Variants in ZDHHC14 observed in about 807,000 individuals in gnomAD.
The protein encoded by ZDHHC14 is zDHHC palmitoyltransferase 14.
ZDHHC14 carries 16 observed loss-of-function variants against 47.7 expected under a neutral mutation model. That is an observed-to-expected ratio of 0.34 (90% CI 0.23 to 0.51). ZDHHC14 has a LOEUF of 0.51. ZDHHC14 is among the 20% of genes least tolerant of loss of function. The pLI is 0.97. For synonymous variants in ZDHHC14, 293 were observed against 278.9 expected, an observed-to-expected ratio of 1.05 and a Z score of -0.50; for missense variants, 515 against 662.5, an observed-to-expected ratio of 0.78 and a Z score of 2.44.
At chr6:157,552,828 T>A (rs1782292717) in intron 2 of ZDHHC14, among the ~76,000 whole-genome samples, 1 of 152,048 alleles carries the variant, frequency 6.6e-6, no homozygotes, top group African/African-American at 2.4e-5. Flanking sequence ...CATCTGCAAG[T>A]TTTTGGTGGC....
At chr6:157,480,568 A>G (rs1311977215) in intron 1 of ZDHHC14, among the ~76,000 whole-genome samples, 2 of 152,208 alleles carry the variant, frequency 1.3e-5, no homozygotes, top group Non-Finnish European at 2.9e-5. Context: ...TGCCCGGCCT[A>G]GGCCAGGCTT....
intron 1 of ZDHHC14, among the ~76,000 whole-genome samples, chr6:157,399,557 A>G (rs1292329256): frequency 6.6e-6 from 1 of 152,242 alleles, no homozygotes; most frequent in Non-Finnish European, 1.5e-5. Flanking sequence ...ACTTAGATGA[A>G]GAATACAGAG....
At chr6:157,590,811 T>C (rs1783879630) in intron 2 of ZDHHC14, among the ~76,000 whole-genome samples, 1 of 152,208 alleles carries the variant, frequency 6.6e-6, no homozygotes, top group Admixed American at 6.5e-5. Context: ...CCAGAAACGC[T>C]GAAGACATTC....
chr6:157,673,822 T>C lies in ZDHHC14; in HGVS notation c.*700T>C, dbSNP rs529967615. The C allele has an allele frequency of 6.6e-6, 1 of 152,474 alleles. No individual in the cohort carries two copies. The highest frequency in any genetic ancestry group is 1.5e-5 in the Non-Finnish European group (1 of 68,004). The allele number at this position is 152,474 out of a possible 1,614,324, so 9.4% of individuals were successfully genotyped here. A position where few individuals can be genotyped will look rare whatever the true frequency, so the allele number is the denominator to read the frequency against. ...GTGTCGGGTGTCACTTCACCTTCTG[T>C]TTGGCCGCTCGATGAGGTCTCGTGT... On this transcript the variant is annotated 3_prime_UTR_variant, in exon 9 of 9. Coordinates refer to ENST00000359775, the MANE Select transcript of ZDHHC14 (RefSeq NM_024630.3). This position sits in a 1 kb window ranked among gnomAD's most constrained non-coding sequence, Gnocchi z 5.4.
intron 1 of ZDHHC14, among the ~76,000 whole-genome samples, chr6:157,511,546 A>C (rs1403189623): frequency 6.6e-5 from 5 of 75,414 alleles, no homozygotes; most frequent in Admixed American, 1.6e-4. Context: ...AAGCCCGGGT[A>C]CTTTTTTTTT....
rs187362021 is a variant in ZDHHC14, at chr6:157,502,982, C to T, written c.246-39603C>T. ...TTGGAATTACAGGCATGAGCCACCGCACCCGGCTGTGTTTGTTTTTAAACT... is the reference window on the plus strand; with the variant it reads ...TTGGAATTACAGGCATGAGCCACCGTACCCGGCTGTGTTTGTTTTTAAACT... On this transcript the variant is annotated intron_variant, in intron 1 of 8. Transcript: ENST00000359775. This position sits in a 1 kb window ranked among gnomAD's most constrained non-coding sequence, Gnocchi z 4.0. Among the ~76,000 whole-genome samples, 1 of 152,368 alleles carries T rather than the reference C, an allele frequency of 6.6e-6. No individual in the cohort carries two copies. The highest frequency in any genetic ancestry group is 6.5e-5 in the Admixed American group (1 of 15,306).
At chr6:157,449,424 C>T (rs1345066254) in intron 1 of ZDHHC14, among the ~76,000 whole-genome samples, 1 of 152,196 alleles carries the variant, frequency 6.6e-6, no homozygotes, top group African/African-American at 2.4e-5. Flanking sequence ...AATTCATCCA[C>T]TATAAGTGAA....
chr6:157,620,345 G>A lies in ZDHHC14; in HGVS notation c.566-8004G>A, dbSNP rs950789055. Among the ~76,000 whole-genome samples the A allele has an allele frequency of 5.3e-5, 8 of 152,252 alleles. No individual in the cohort carries two copies. In the East Asian group the frequency reaches 1.4e-3, roughly 26 times the overall value. ...AGGCCTCACCCTGATGGCCTCAGCT[G>A]CCCCTAATTACCTCTCAATTACCAT... On this transcript the variant is annotated intron_variant, in intron 3 of 8. Transcript: ENST00000359775.
At chr6:157,506,935 AG>A (rs1780340421) in intron 1 of ZDHHC14, among the ~76,000 whole-genome samples, 1 of 147,460 alleles carries the variant, frequency 6.8e-6, no homozygotes, top group Non-Finnish European at 1.5e-5. Flanking sequence ...TTTTAATTAA[AG>A]TAACATATAG....
intron 1 of ZDHHC14, among the ~76,000 whole-genome samples, chr6:157,451,976 G>A (rs1327893753): frequency 2.6e-5 from 4 of 152,208 alleles, no homozygotes; most frequent in Non-Finnish European, 5.9e-5. Context: ...CCCTGGGGCT[G>A]TGGGGCCCAA....
chr6:157,613,022 A>T (rs969282067), intron 3 of ZDHHC14, among the ~76,000 whole-genome samples: 4 of 152,018 alleles, frequency 2.6e-5, no homozygotes, highest in African/African-American at 9.7e-5. Context: ...ATGATCATTT[A>T]AAAAAAATTA....
At position 157,592,975 on chromosome 6, in the gene ZDHHC14, C is replaced by G; in HGVS notation, c.407-13C>G. On this transcript the variant is annotated splice_polypyrimidine_tract_variant and intron_variant, in intron 2 of 8. Transcript: ENST00000359775. Reference sequence around the variant, plus strand: ...TCTGAAGGTGTGCGCTCTTTCTCTTCTTTTCTCCACAGATATCGCAAACGG... The same window carrying G: ...TCTGAAGGTGTGCGCTCTTTCTCTTGTTTTCTCCACAGATATCGCAAACGG... The G allele has an allele frequency of 6.2e-7, 1 of 1,606,210 alleles. No individual in the cohort carries two copies. The highest frequency in any genetic ancestry group is 8.5e-7 in the Non-Finnish European group (1 of 1,176,898).
chr6:157,424,665 G>A (rs565193801), intron 1 of ZDHHC14, among the ~76,000 whole-genome samples: 1 of 152,254 alleles, frequency 6.6e-6, no homozygotes, highest in Non-Finnish European at 1.5e-5. Flanking sequence ...ACCCTGCCCC[G>A]AGCAGTGATT....
chr6:157,610,618 G>A (rs1562506724), intron 3 of ZDHHC14, among the ~76,000 whole-genome samples: 1 of 152,158 alleles, frequency 6.6e-6, no homozygotes, highest in African/African-American at 2.4e-5. Flanking sequence ...TTCCAAGAAG[G>A]AGAGGCAGCG....
chr6:157,611,522 A>T (rs566287760), intron 3 of ZDHHC14, among the ~76,000 whole-genome samples: 47 of 152,278 alleles, frequency 3.1e-4, no homozygotes, highest in African/African-American at 9.9e-4. Flanking sequence ...CCTCCCGGGC[A>T]CATTTTCATC....
In ZDHHC14 at chr6:157,621,229, A is replaced by G. The variant is rs145714134; in HGVS notation, c.566-7120A>G. Among the ~76,000 whole-genome samples, 779 of 152,286 alleles carry G rather than the reference A, an allele frequency of 5.1e-3. 7 individuals carry two copies. Among genetic ancestry groups the G allele is most frequent in the African/African-American group, 0.018 (752 of 41,546 alleles). Reference sequence around the variant, plus strand: ...TTCCTATTGCATAATTTTATGAATTATGTGGTGACCATAGAGGCCAGATAC... The same window carrying G: ...TTCCTATTGCATAATTTTATGAATTGTGTGGTGACCATAGAGGCCAGATAC... On this transcript the variant is annotated intron_variant, in intron 3 of 8. Transcript: ENST00000359775.
At chr6:157,494,450 G>A (rs1276297417) in intron 1 of ZDHHC14, among the ~76,000 whole-genome samples, 2 of 152,206 alleles carry the variant, frequency 1.3e-5, no homozygotes, top group African/African-American at 2.4e-5. Context: ...GGTAGACAGG[G>A]CATTTGTTCT....
At chr6:157,646,154 C>T in intron 6 of ZDHHC14, 1 of 249,064 alleles carries the variant, frequency 4.0e-6, no homozygotes, top group Non-Finnish European at 7.7e-6. Flanking sequence ...TCTTATCACA[C>T]TTCCCCTGGT....
intron 2 of ZDHHC14, among the ~76,000 whole-genome samples, chr6:157,549,256 C>G: frequency 6.6e-6 from 1 of 152,358 alleles, no homozygotes. Context: ...GAAAGCCGAG[C>G]CTAGTATGCC....
Sources: gnomAD v4.1 joint callset for allele counts (sites outside exome capture counted in the v4.1 genomes callset) on GRCh38, gnomAD v4.1.1 for gene constraint, Gnocchi (gnomAD v3.1) non-coding constraint, MANE v1.5 for transcripts, NCBI Gene and HGNC (gene_info 2026-07-23, HGNC 2026-07-21) for gene names.